The following TBL1X variants were observed in gnomAD, a reference collection of about 807,000 sequenced individuals.
TBL1X encodes transducin beta like 1 X-linked, also known as F-box-like/WD repeat-containing protein TBL1X.
In TBL1X, 10 loss-of-function variants were observed where a neutral mutation model predicts 50.7. The ratio of observed to expected loss-of-function variants is 0.20; its 90% CI spans 0.12 to 0.33. TBL1X has a LOEUF of 0.33. TBL1X is among the 10% of genes least tolerant of loss of function. TBL1X has a pLI of 1.00. For missense variants in TBL1X, 340 were observed against 504.4 expected, an observed-to-expected ratio of 0.67 and a Z score of 3.12; for synonymous variants, 190 against 214.7, an observed-to-expected ratio of 0.88 and a Z score of 1.01.
At chrX:9,708,873 G>C (rs1322031885) in intron 13 of TBL1X, among the ~76,000 whole-genome samples, 1 of 111,507 alleles carries the variant, frequency 9.0e-6, no homozygotes, top group Non-Finnish European at 1.9e-5. Context: ...GTCTGAAAAA[G>C]AAAAGTGCAT....
At chrX:9,615,905 T>C (rs185261400) in intron 2 of TBL1X, among the ~76,000 whole-genome samples, 1 of 112,180 alleles carries the variant, frequency 8.9e-6, no homozygotes, top group African/African-American at 3.2e-5. Flanking sequence ...ATTAGGCTCT[T>C]GGTGAACACT....
intron 1 of TBL1X, among the ~76,000 whole-genome samples, chrX:9,484,307 C>T (rs1359475897): frequency 9.3e-6 from 1 of 107,707 alleles, no homozygotes; most frequent in Non-Finnish European, 1.9e-5. Context: ...GTGCCTGGCT[C>T]GTTTTTTCAT....
At chrX:9,500,859 G>A (rs183593739) in intron 1 of TBL1X, among the ~76,000 whole-genome samples, 2 of 111,849 alleles carry the variant, frequency 1.8e-5, no homozygotes, top group East Asian at 2.8e-4. Flanking sequence ...GGGGACACTC[G>A]GCAATGTCTG....
At chrX:9,522,013 CTTTTTTTT>C (rs138830348) in intron 2 of TBL1X, among the ~76,000 whole-genome samples, 3 of 88,104 alleles carry the variant, frequency 3.4e-5, no homozygotes, top group Non-Finnish European at 4.5e-5. Flanking sequence ...TTCTTCGTTT[CTTTTTTTT>C]TTTTTTTTTT....
intron 5 of TBL1X, among the ~76,000 whole-genome samples, chrX:9,670,510 C>G (rs1269662488): frequency 1.1e-4 from 12 of 112,272 alleles, no homozygotes; most frequent in African/African-American, 3.6e-4. Flanking sequence ...TTACAATTCC[C>G]CTGTCTTGAT....
intron 2 of TBL1X, among the ~76,000 whole-genome samples, chrX:9,507,925 C>T (rs2082034345): frequency 8.9e-6 from 1 of 112,184 alleles, no homozygotes; most frequent in Non-Finnish European, 1.9e-5. Flanking sequence ...TTCCTTACAC[C>T]TTATACAAAA....
intron 8 of TBL1X, 72 bp downstream of exon 8, chrX:9,691,783 G>A (rs1379463323): frequency 1.7e-6 from 2 of 1,161,027 alleles, no homozygotes; most frequent in Non-Finnish European, 2.3e-6. Context: ...CCCTTCTCTG[G>A]AGTTCTGCCT....
chrX:9,493,627 G>A, intron 1 of TBL1X, among the ~76,000 whole-genome samples: 1 of 110,719 alleles, frequency 9.0e-6, no homozygotes. Context: ...GCCAGGCGTG[G>A]TGGTATGTTC....
intron 5 of TBL1X, among the ~76,000 whole-genome samples, chrX:9,660,115 G>A (rs1421741812): frequency 1.8e-5 from 2 of 113,012 alleles, no homozygotes; most frequent in Non-Finnish European, 3.7e-5. Flanking sequence ...CTTCCAGATA[G>A]CAGGATTCCG....
chrX:9,507,587 C>T (rs978611068), intron 2 of TBL1X, among the ~76,000 whole-genome samples: 2 of 111,891 alleles, frequency 1.8e-5, no homozygotes, highest in African/African-American at 6.5e-5. Flanking sequence ...ATTAGGAAAA[C>T]CTATTTTAAA....
intron 13 of TBL1X, among the ~76,000 whole-genome samples, chrX:9,705,739 A>AAG (rs1555910772): frequency 1.8e-5 from 2 of 109,896 alleles, no homozygotes; most frequent in African/African-American, 6.6e-5. Context: ...AAAAAAAAAA[A>AAG]AAAAGAAAAG....
chrX:9,662,449 A>G (rs941268369), intron 5 of TBL1X, among the ~76,000 whole-genome samples: 1 of 112,119 alleles, frequency 8.9e-6, no homozygotes, highest in African/African-American at 3.2e-5. Flanking sequence ...ATGCCAAGTG[A>G]AATTAGCCAG....
chrX:9,521,340 G>A (rs1387760712), intron 2 of TBL1X, among the ~76,000 whole-genome samples: 1 of 111,352 alleles, frequency 9.0e-6, no homozygotes. Context: ...GCCAGAGGTG[G>A]TGGGTCCGGT....
chrX:9,715,636 G>A (rs918222109), intron 17 of TBL1X, among the ~76,000 whole-genome samples: 5 of 112,305 alleles, frequency 4.5e-5, no homozygotes, highest in African/African-American at 1.3e-4. Context: ...ATTATGTGAC[G>A]CGTGACTGTG....
chrX:9,562,906 A>G (rs2082331203), intron 2 of TBL1X, among the ~76,000 whole-genome samples: 1 of 112,377 alleles, frequency 8.9e-6, no homozygotes, highest in African/African-American at 3.2e-5. Flanking sequence ...CAGGAGGCTC[A>G]TGTACTTTGA....
chrX:9,550,879 T>C (rs1238685496), intron 2 of TBL1X, among the ~76,000 whole-genome samples: 1 of 110,680 alleles, frequency 9.0e-6, no homozygotes, highest in Non-Finnish European at 1.9e-5. Context: ...GGTTGTCACG[T>C]TTTGGGGAAA....
At chrX:9,531,713 T>A (rs1167771180) in intron 2 of TBL1X, among the ~76,000 whole-genome samples, 1 of 108,293 alleles carries the variant, frequency 9.2e-6, no homozygotes. Context: ...GAGACCAGCC[T>A]GGGCAACATA....
intron 3 of TBL1X, among the ~76,000 whole-genome samples, chrX:9,644,025 T>TC (rs1188024836): frequency 8.9e-6 from 1 of 112,015 alleles, no homozygotes; most frequent in East Asian, 2.8e-4. Context: ...CACTGCTGAC[T>TC]CCATCTACTG....
At position 9,717,791 on chromosome X, in the gene TBL1X, C is replaced by T. The variant is rs1193926335; in HGVS notation, c.*1545C>T. 1 of 112,305 alleles carries T rather than the reference C, an allele frequency of 8.9e-6. No individual in the cohort carries two copies. The highest frequency in any genetic ancestry group is 1.9e-5 in the Non-Finnish European group (1 of 53,314). 9.3% of individuals were successfully genotyped at this position (112,305 alleles called of 1,213,427 possible). A position where few individuals can be genotyped will look rare whatever the true frequency, so the allele number is the denominator to read the frequency against. On this transcript the variant is annotated 3_prime_UTR_variant, in exon 18 of 18. Coordinates refer to ENST00000645353, the MANE Select transcript of TBL1X (RefSeq NM_005647.4). ...AGTCTAACGCTGACAGAAATGAATG[C>T]AGAAGGAAGATTTTCAGTCCTGAAC...
Sources: allele counts gnomAD v4.1 joint callset (sites outside exome capture counted in the v4.1 genomes callset), GRCh38; gene constraint gnomAD v4.1.1; transcripts MANE v1.5; gene names NCBI Gene and HGNC (gene_info 2026-07-23, HGNC 2026-07-21).